Variants in INTS14 observed in about 807,000 individuals in gnomAD.
INTS14 encodes UPF0464 protein C15orf44.
Under a neutral mutation model 56.9 loss-of-function variants are expected in INTS14, and 27 were observed. The observed-to-expected ratio is 0.47, with a 90% CI of 0.35 to 0.65. INTS14 has a LOEUF of 0.65. INTS14 is among the 30% of genes least tolerant of loss of function. The pLI, the probability that INTS14 is intolerant of heterozygous loss-of-function variation, is 0.00. For synonymous variants in INTS14, 207 were observed against 236.2 expected, an observed-to-expected ratio of 0.88 and a Z score of 1.13; for missense variants, 517 against 632.2, an observed-to-expected ratio of 0.82 and a Z score of 1.95.
In INTS14 at chr15:65,605,164, C is replaced by T. The variant is rs773811520; in HGVS notation, c.295G>A (p.Val99Ile). 7 of 1,613,964 alleles carry T rather than the reference C, an allele frequency of 4.3e-6. No homozygotes were observed. The highest frequency in any genetic ancestry group is 1.7e-5 in the Admixed American group (1 of 60,000). Reference protein sequence around the residue: ...ESALVGVCNIVQQEWGGAIPC... With the variant: ...ESALVGVCNIIQQEWGGAIPC... ...ATTGCACCACCCCATTCTTGCTGAA[C>T]GATATTGCAAACACCAACTAATGCA... is the stretch of plus-strand genomic sequence containing the variant. Residue 99 changes from valine (V) to isoleucine (I), a missense_variant, in exon 3 of 12, where the codon GTT (valine) becomes ATT (isoleucine). Physicochemically the swap from Val to Ile is conservative, Grantham distance 29. Coordinates refer to ENST00000313182, the MANE Select transcript of INTS14 (RefSeq NM_001394796.1).
chr15:65,595,864 T>C (rs762251644), intron 6 of INTS14, 39 bp from the exon 7 acceptor site: 18 of 1,483,586 alleles, frequency 1.2e-5, no homozygotes, highest in Non-Finnish European at 1.7e-5. Context: ...ATTCATTCTA[T>C]GGAAAAGTAC....
intron 9 of INTS14, among the ~76,000 whole-genome samples, chr15:65,590,591 C>A (rs2072989851): frequency 6.6e-6 from 1 of 152,180 alleles, no homozygotes; most frequent in South Asian, 2.1e-4. Context: ...CAAGTTCCTC[C>A]TTTTCTTCAA....
chr15:65,580,119 T>A (rs923062316), intron 11 of INTS14, among the ~76,000 whole-genome samples: 2 of 151,562 alleles, frequency 1.3e-5, no homozygotes, highest in African/African-American at 4.9e-5. Flanking sequence ...GGAGTCAGAG[T>A]GGAAAGACCA....
Position 65,607,180 on chromosome 15 carries a change from C to G in INTS14, c.201G>C (p.Thr67=). The G allele has an allele frequency of 1.2e-6, 2 of 1,614,170 alleles. No individual in the cohort carries two copies. The highest frequency in any genetic ancestry group is 2.2e-5 in the South Asian group (2 of 91,076). ...GTACCTGTAGGGTATTATAATCTCT[C>G]GTGAAGGGGACCATCAACTCCCAAA... ...SSLWELMVPF[T]RDYNTLQEAL... The change falls in exon 2 of 12, where the codon ACG becomes ACC. Residue 67 remains threonine (T), a synonymous_variant. Transcript: ENST00000313182.
Position 65,611,083 on chromosome 15 carries a change from G to T in INTS14, c.-63+15C>A, listed in dbSNP as rs943120558. 29 of 1,535,562 alleles carry T rather than the reference G, an allele frequency of 1.9e-5. No homozygotes were observed. The African/African-American group carries it at 3.6e-4, about 19-fold the overall frequency. On this transcript the variant is annotated intron_variant, in intron 1 of 11. Transcript: ENST00000313182. ...CAGCGAAAGGCAGTCCCGGGCCCTC[G>T]GCCTCCCCACTCACCCCGTGCCCAT...
chr15:65,606,552 G>A (rs145741445), intron 2 of INTS14, among the ~76,000 whole-genome samples: 24 of 152,186 alleles, frequency 1.6e-4, no homozygotes, highest in African/African-American at 4.8e-4. Context: ...ACCACACCTG[G>A]CCCACAAACA....
intron 9 of INTS14, 48 bp from the exon 10 acceptor site, chr15:65,584,936 A>G: frequency 6.7e-7 from 1 of 1,490,776 alleles, no homozygotes; most frequent in Non-Finnish European, 9.2e-7. Flanking sequence ...AAACACAATC[A>G]GTTACATTTC....
At chr15:65,580,810 C>T (rs932695597) in intron 11 of INTS14, among the ~76,000 whole-genome samples, 36 of 152,182 alleles carry the variant, frequency 2.4e-4, no homozygotes, top group Admixed American at 4.6e-4. Context: ...CCTAAATGTT[C>T]CCCACTCTAC....
intron 5 of INTS14, 47 bp from the exon 6 acceptor site, chr15:65,598,510 A>G: frequency 6.4e-7 from 1 of 1,565,934 alleles, no homozygotes; most frequent in Non-Finnish European, 8.7e-7. Context: ...TACGATACAT[A>G]TGAAGTTAAT....
intron 6 of INTS14, among the ~76,000 whole-genome samples, chr15:65,597,170 G>A (rs2073243857): frequency 6.6e-6 from 1 of 152,204 alleles, no homozygotes; most frequent in African/African-American, 2.4e-5. Context: ...CAGTAGAAGA[G>A]ATGGATGCCT....
In INTS14 at chr15:65,599,926, C is replaced by A. The variant is rs1271455570; in HGVS notation, c.334G>T (p.Val112Phe). The A allele has an allele frequency of 1.2e-6, 2 of 1,610,520 alleles. No homozygotes were observed. The highest frequency in any genetic ancestry group is 1.1e-5 in the South Asian group (1 of 90,834). The change falls in exon 4 of 12, where the codon GTC becomes TTC. Residue 112 changes from valine (V) to phenylalanine (F), a missense_variant. Val to Phe is a conservative substitution (Grantham distance 50). Coordinates refer to ENST00000313182, the MANE Select transcript of INTS14 (RefSeq NM_001394796.1). ...CCAAGACAGCCGTCTGTCACCAGGA[C>A]AACCTGTTTGTAAAAAGAGAGAGAG... ...EWGGAIPCQV[V>F]LVTDGCLGIG...
At chr15:65,600,586 C>A (rs1002805948) in intron 3 of INTS14, among the ~76,000 whole-genome samples, 3 of 151,462 alleles carry the variant, frequency 2.0e-5, no homozygotes, top group African/African-American at 4.9e-5. Flanking sequence ...TATGCCACTG[C>A]AGTCCAGCCT....
intron 9 of INTS14, among the ~76,000 whole-genome samples, chr15:65,589,717 A>G (rs1385056475): frequency 6.6e-6 from 1 of 152,054 alleles, no homozygotes; most frequent in African/African-American, 2.4e-5. Context: ...CAGCTTCCAT[A>G]TATGGGTGAG....
intron 7 of INTS14, among the ~76,000 whole-genome samples, chr15:65,594,262 T>C (rs148787586): frequency 6.6e-6 from 1 of 152,324 alleles, no homozygotes; most frequent in Non-Finnish European, 1.5e-5. Context: ...AACTTCCCTC[T>C]AAAAATATCT....
At chr15:65,588,402 C>T (rs954045656) in intron 9 of INTS14, among the ~76,000 whole-genome samples, 9 of 150,602 alleles carry the variant, frequency 6.0e-5, no homozygotes, top group African/African-American at 2.0e-4. Flanking sequence ...GAGTGGCTCA[C>T]GCCTGTAATC....
In INTS14 at chr15:65,579,564, C is replaced by G; in HGVS notation, c.1401G>C (p.Leu467=). ...ADMLERECTL[L]PETAHPDAAF... ...CAGCATCAGGGTGGGCTGTCTCAGG[C>G]AGCAGTGTGCATTCCCTTTCCAGCA... The change falls in exon 12 of 12, where the codon CTG becomes CTC. Residue 467 remains leucine (L), a synonymous_variant. Transcript: ENST00000313182. 6.2e-7 allele frequency: 1 copy of G among 1,614,196 alleles called. No homozygotes were observed. The highest frequency in any genetic ancestry group is 1.3e-5 in the African/African-American group (1 of 75,032).
intron 9 of INTS14, among the ~76,000 whole-genome samples, chr15:65,591,263 G>A (rs2073017022): frequency 6.6e-6 from 1 of 152,046 alleles, no homozygotes. Flanking sequence ...GTTTCAAGAA[G>A]GAGGAAAGAT....
intron 10 of INTS14, among the ~76,000 whole-genome samples, chr15:65,583,195 C>G (rs1256348125): frequency 6.6e-6 from 1 of 152,034 alleles, no homozygotes; most frequent in Non-Finnish European, 1.5e-5. Flanking sequence ...AAAATATATA[C>G]CCAAGAGTAT....
intron 6 of INTS14, among the ~76,000 whole-genome samples, 153 bp downstream of exon 6, chr15:65,598,165 TCTG>T (rs1566927504): frequency 6.6e-6 from 1 of 152,146 alleles, no homozygotes; most frequent in African/African-American, 2.4e-5. Context: ...CTAAAGCACC[TCTG>T]TTCCCAAGCA....
Sources: allele counts gnomAD v4.1 joint callset (sites outside exome capture counted in the v4.1 genomes callset), GRCh38; gene constraint gnomAD v4.1.1; transcripts MANE v1.5; gene names NCBI Gene and HGNC (gene_info 2026-07-23, HGNC 2026-07-21).